Variants in TFEB observed in about 807,000 individuals in gnomAD.
TFEB encodes the protein transcription factor EB, also known as T-cell transcription factor EB.
In TFEB, 12 loss-of-function variants were observed where a neutral mutation model predicts 48.0. That is an observed-to-expected ratio of 0.25 (90% CI 0.16 to 0.40). TFEB has a LOEUF of 0.40. Ranked by LOEUF, TFEB falls within the 10% of genes least tolerant of loss-of-function variation. The pLI is 1.00. For missense variants in TFEB, 509 were observed against 640.3 expected (o/e 0.79, Z 2.21); for synonymous variants, 244 against 261.4 (o/e 0.93, Z 0.64).
At position 41,724,630 on chromosome 6, in the gene TFEB, G is replaced by C. The variant is rs1771130018; in HGVS notation, c.-23+10720C>G. On this transcript the variant is annotated intron_variant, in intron 1 of 8. Coordinates refer to ENST00000373033, the MANE Select transcript of TFEB (RefSeq NM_001271944.2). The surrounding 1 kb of genome is among the most constrained non-coding windows in gnomAD (Gnocchi z 4.4). ...GGACCTCTGGCTCCCGCCCCTTGCC[G>C]CCCGAGACCTGCAATGGGGCCTCAG... Among the ~76,000 whole-genome samples, 1 of 152,108 alleles carries C rather than the reference G, an allele frequency of 6.6e-6. No homozygotes were observed. The highest frequency in any genetic ancestry group is 2.4e-5 in the African/African-American group (1 of 41,410).
chr6:41,708,470 C>T (rs1218029796), intron 1 of TFEB, among the ~76,000 whole-genome samples: 1 of 152,228 alleles, frequency 6.6e-6, no homozygotes. Flanking sequence ...CCTTCCCCAC[C>T]ACCTCTTAGC....
rs1334459027 is a variant in TFEB, at chr6:41,734,963, G to C, written c.-23+387C>G. 2.0e-6 allele frequency: 2 copies of C among 985,368 alleles called. No homozygotes were observed. The highest frequency in any genetic ancestry group is 2.4e-6 in the Non-Finnish European group (2 of 830,008). 61.0% of individuals were successfully genotyped at this position (985,368 alleles called of 1,614,324 possible). ...TCCGGTGGAGGGGGAGTGGGCGCGG[G>C]GCCCGCGCGTCCCTCAAACTTCTTG... On this transcript the variant is annotated intron_variant, in intron 1 of 8. Coordinates refer to ENST00000373033, the MANE Select transcript of TFEB (RefSeq NM_001271944.2). This position sits in a 1 kb window ranked among gnomAD's most constrained non-coding sequence, Gnocchi z 4.0.
chr6:41,717,395 T>C (rs1770784853), intron 1 of TFEB, among the ~76,000 whole-genome samples: 1 of 152,154 alleles, frequency 6.6e-6, no homozygotes, highest in Non-Finnish European at 1.5e-5. Flanking sequence ...CTCATGGATA[T>C]CTGCATATGG....
At chr6:41,729,518 C>T (rs1052292170) in intron 1 of TFEB, among the ~76,000 whole-genome samples, 1 of 152,228 alleles carries the variant, frequency 6.6e-6, no homozygotes, top group Non-Finnish European at 1.5e-5. Context: ...CTGAACACCT[C>T]CCCAATTATT....
intron 1 of TFEB, chr6:41,733,138 C>T: frequency 1.3e-6 from 1 of 792,336 alleles, no homozygotes; most frequent in Non-Finnish European, 1.5e-6. Flanking sequence ...CAAAGGGCAG[C>T]CAGACTTGAG....
At chr6:41,733,910 A>T in intron 1 of TFEB, 1 of 985,044 alleles carries the variant, frequency 1.0e-6, no homozygotes, top group Non-Finnish European at 1.2e-6. Context: ...GCTGCCCAAC[A>T]GTGCCAGGTC....
intron 1 of TFEB, among the ~76,000 whole-genome samples, chr6:41,715,648 C>T (rs1420746462): frequency 6.7e-6 from 1 of 149,856 alleles, no homozygotes; most frequent in Non-Finnish European, 1.5e-5. Flanking sequence ...CCAGCCTGGG[C>T]GACAGAGCGA....
In TFEB at chr6:41,691,396, C is replaced by T. The variant is rs773949434; in HGVS notation, c.-22-161G>A. ...GATTTGCCCAAGGTCACTGAGCAAG[C>T]GGGTGACAGCTGAGACATGAATCCA... On this transcript the variant is annotated intron_variant, in intron 1 of 8. Coordinates refer to ENST00000373033, the MANE Select transcript of TFEB (RefSeq NM_001271944.2). This position sits in a 1 kb window ranked among gnomAD's most constrained non-coding sequence, Gnocchi z 5.2. 63 of 781,634 alleles carry T rather than the reference C, an allele frequency of 8.1e-5. No individual in the cohort carries two copies. Among genetic ancestry groups the T allele is most frequent in the Middle Eastern group, 4.4e-4 (2 of 4,510 alleles). 48.4% of individuals were successfully genotyped at this position (781,634 alleles called of 1,614,324 possible).
intron 1 of TFEB, among the ~76,000 whole-genome samples, chr6:41,715,642 C>G (rs1770704079): frequency 6.6e-6 from 1 of 151,696 alleles, no homozygotes; most frequent in African/African-American, 2.4e-5. Context: ...TGCACTCCAG[C>G]CTGGGCGACA....
In TFEB at chr6:41,684,364, G is replaced by T; in HGVS notation, c.*235C>A. On this transcript the variant is annotated 3_prime_UTR_variant, in exon 9 of 9. Coordinates refer to ENST00000373033, the MANE Select transcript of TFEB (RefSeq NM_001271944.2). ...GCCCCGCGATTCCATCTCCGGGAGA[G>T]GGGCTGAAGGCCTCTTCCCACTGCG... 1 of 413,600 alleles carries T rather than the reference G, an allele frequency of 2.4e-6. No individual in the cohort carries two copies. Among genetic ancestry groups the T allele is most frequent in the Non-Finnish European group, 4.2e-6 (1 of 239,056 alleles). 25.6% of individuals were successfully genotyped at this position (413,600 alleles called of 1,614,324 possible).
chr6:41,721,372 T>TACACACACACAC (rs58269771), intron 1 of TFEB, among the ~76,000 whole-genome samples: 14 of 144,798 alleles, frequency 9.7e-5, no homozygotes, highest in African/African-American at 3.5e-4. Flanking sequence ...TAGGCACACA[T>TACACACACACAC]ACACACACAC....
rs546564810 is a variant in TFEB, at chr6:41,735,601, C to T, written c.-274G>A. ...CGCCCGGCGCCCGGGCTCCGGCTGTCACTCCACGCACACTTCCCTCCGCGC... is the reference window on the plus strand; with the variant it reads ...CGCCCGGCGCCCGGGCTCCGGCTGTTACTCCACGCACACTTCCCTCCGCGC... On this transcript the variant is annotated 5_prime_UTR_variant, in exon 1 of 9. Transcript: ENST00000373033. The T allele has an allele frequency of 2.0e-6, 2 of 976,472 alleles. No individual in the cohort carries two copies. The highest frequency in any genetic ancestry group is 1.2e-4 in the Admixed American group (2 of 16,254). 60.5% of individuals were successfully genotyped at this position (976,472 alleles called of 1,614,324 possible). A position where few individuals can be genotyped will look rare whatever the true frequency, so the allele number is the denominator to read the frequency against.
intron 1 of TFEB, among the ~76,000 whole-genome samples, chr6:41,714,348 C>T (rs1770636345): frequency 6.6e-6 from 1 of 152,172 alleles, no homozygotes; most frequent in Non-Finnish European, 1.5e-5. Flanking sequence ...TGTTTGTTTT[C>T]CAGATGAACA....
chr6:41,717,184 C>T (rs1296686378), intron 1 of TFEB, among the ~76,000 whole-genome samples: 2 of 152,132 alleles, frequency 1.3e-5, no homozygotes, highest in South Asian at 2.1e-4. Context: ...ATGGGTCCCT[C>T]GAGTCAGCTA....
At chr6:41,688,154 C>T (rs73420050) in intron 4 of TFEB, 126 bp from the exon 5 acceptor site, 7 of 1,209,572 alleles carry the variant, frequency 5.8e-6, no homozygotes, top group Non-Finnish European at 7.9e-6. Flanking sequence ...TCACCTTGGG[C>T]CCTTTCACCC....
intron 1 of TFEB, among the ~76,000 whole-genome samples, chr6:41,697,507 C>CA (rs1164092760): frequency 2.7e-5 from 4 of 150,592 alleles, no homozygotes; most frequent in Non-Finnish European, 3.0e-5. Context: ...CTCCAAACCC[C>CA]CCCCCTTCCC....
chr6:41,689,950 G>T (rs1024065794), intron 3 of TFEB, 139 bp from the exon 4 acceptor site: 16 of 634,734 alleles, frequency 2.5e-5, no homozygotes, highest in Non-Finnish European at 4.2e-5. Context: ...GAGGAAATAG[G>T]CCCAGAGAAG....
chr6:41,715,496 C>A (rs1260485928), intron 1 of TFEB, among the ~76,000 whole-genome samples: 10 of 152,058 alleles, frequency 6.6e-5, no homozygotes, highest in African/African-American at 1.2e-4. Flanking sequence ...ATGGTGAAAC[C>A]CCATCTCTAC....
chr6:41,711,669 G>A (rs1411629992), intron 1 of TFEB, among the ~76,000 whole-genome samples: 2 of 152,218 alleles, frequency 1.3e-5, no homozygotes, highest in Non-Finnish European at 2.9e-5. Flanking sequence ...GTGGGCTGTT[G>A]GAGAAGGGAG....
Sources: gnomAD v4.1 joint callset for allele counts (sites outside exome capture counted in the v4.1 genomes callset) on GRCh38, gnomAD v4.1.1 for gene constraint, Gnocchi (gnomAD v3.1) non-coding constraint, MANE v1.5 for transcripts, NCBI Gene and HGNC (gene_info 2026-07-23, HGNC 2026-07-21) for gene names.